Variants in KIRREL3 observed in about 807,000 individuals in gnomAD.
KIRREL3 encodes the protein kin of IRRE-like protein 3.
KIRREL3 carries 36 observed loss-of-function variants against 89.7 expected under a neutral mutation model. The ratio of observed to expected loss-of-function variants is 0.40; its 90% confidence interval spans 0.31 to 0.53. The LOEUF (loss-of-function observed/expected upper bound fraction) is 0.53, where lower values mean the gene tolerates loss of function less well. Among genes scored for constraint, KIRREL3 ranks in the 20% least tolerant of loss-of-function variants. KIRREL3 has a pLI of 0.49. For missense variants in KIRREL3, 864 were observed against 1,056.6 expected (o/e 0.82, Z 2.53); for synonymous variants, 445 against 441.4 (o/e 1.01, Z -0.10).
chr11:126,861,778 G>A lies in KIRREL3; in HGVS notation c.55+138677C>T, dbSNP rs142838966. ...CTGTTATGAATTCTCTGCTGACCTG[G>A]ATCTGAAGTGGAGTGTGGACTGACT... On this transcript the variant is annotated intron_variant, in intron 1 of 16. Coordinates refer to ENST00000525144, the MANE Select transcript of KIRREL3 (RefSeq NM_032531.4). 1.1e-3 allele frequency among the ~76,000 whole-genome samples: 162 copies of A among 152,328 alleles called. 1 individual carries two copies. Among genetic ancestry groups the A allele is most frequent in the Non-Finnish European group, 1.8e-3 (122 of 68,036 alleles).
intron 1 of KIRREL3, among the ~76,000 whole-genome samples, chr11:126,818,032 T>C (rs1171668291): frequency 6.6e-6 from 1 of 152,156 alleles, no homozygotes; most frequent in Admixed American, 6.5e-5. Context: ...TCAATCTTGA[T>C]TAGAGTATTA....
intron 1 of KIRREL3, among the ~76,000 whole-genome samples, chr11:126,630,634 C>A (rs1943980559): frequency 1.3e-5 from 2 of 152,140 alleles, no homozygotes; most frequent in South Asian, 4.1e-4. Context: ...TGGAGCTGGC[C>A]TCTGAGTAGG....
Position 126,425,682 on chromosome 11 carries a change from G to T in KIRREL3, c.1849C>A (p.Leu617Met). ...TTCTCCTCTTCTTTGAGGACCTCCA[G>T]CTGTTTCAGGACTGAGTCTTGCTGG... is the stretch of plus-strand genomic sequence containing the variant. ...EFQQDSVLKQ[L>M]EVLKEEEKEF... is the part of the protein sequence containing the mutation. Residue 617 changes from leucine to methionine, a missense_variant, in exon 16 of 17, where the codon CTG becomes ATG. Transcript: ENST00000525144. 6.3e-7 allele frequency: 1 copy of T among 1,598,604 alleles called. No individual in the cohort carries two copies. The highest frequency in any genetic ancestry group is 1.7e-5 in the Admixed American group (1 of 58,202).
rs932603827 is a variant in KIRREL3, at chr11:126,996,915, G to A, written c.55+3540C>T. Among the ~76,000 whole-genome samples, 3 of 152,216 alleles carry A rather than the reference G, an allele frequency of 2.0e-5. No individual in the cohort carries two copies. The highest frequency in any genetic ancestry group is 7.2e-5 in the African/African-American group (3 of 41,464). ...AGGCAGGACAGGACGCTCTAGGAATGCCAGAGCAAAATGCCAGAGAGTAGG... is the reference window on the plus strand; with the variant it reads ...AGGCAGGACAGGACGCTCTAGGAATACCAGAGCAAAATGCCAGAGAGTAGG... On this transcript the variant is annotated intron_variant, in intron 1 of 16. Transcript: ENST00000525144. This position sits in a 1 kb window ranked among gnomAD's most constrained non-coding sequence, Gnocchi z 4.7.
At chr11:127,001,820 G>A (rs181567970), upstream of KIRREL3, among the ~76,000 whole-genome samples, 25 of 151,600 alleles carry the variant, frequency 1.6e-4, no homozygotes, top group East Asian at 4.9e-3. Context: ...TGCAAGCAGA[G>A]TACACACACA....
At chr11:126,478,244 C>A (rs932885232) in intron 4 of KIRREL3, among the ~76,000 whole-genome samples, 1 of 152,212 alleles carries the variant, frequency 6.6e-6, no homozygotes, top group East Asian at 1.9e-4. Context: ...GCTTCAAGAG[C>A]CCTTCAGTGA....
rs1948100492 is a variant in KIRREL3, at chr11:126,719,755, GACC to G, written c.56-156846_56-156844del. Among the ~76,000 whole-genome samples, 1 of 152,082 alleles carries G rather than the reference GACC, an allele frequency of 6.6e-6. No individual in the cohort carries two copies. The highest frequency in any genetic ancestry group is 1.5e-5 in the Non-Finnish European group (1 of 68,030). ...TCTTTCAATCTTTTATCCAGAAAAT[GACC>G]ACTTCTTACAACCTCTGCTGCCCCC... On this transcript the variant is annotated intron_variant, in intron 1 of 16. Coordinates refer to ENST00000525144, the MANE Select transcript of KIRREL3 (RefSeq NM_032531.4). This position sits in a 1 kb window ranked among gnomAD's most constrained non-coding sequence, Gnocchi z 4.7.
In KIRREL3 at chr11:126,835,170, A is replaced by G. The variant is rs763027143; in HGVS notation, c.55+165285T>C. 1.2e-4 allele frequency among the ~76,000 whole-genome samples: 19 copies of G among 152,354 alleles called. No homozygotes were observed. In the South Asian group the frequency reaches 2.9e-3, roughly 23 times the overall value. On this transcript the variant is annotated intron_variant, in intron 1 of 16. Transcript: ENST00000525144. ...CCCCATGCAGAAAACAATTCAAAAC[A>G]AAGAAGAGCTGCTTTAGGCTCTATA... is the stretch of plus-strand genomic sequence containing the variant.
chr11:126,475,549 G>C lies in KIRREL3; in HGVS notation c.434-2083C>G, dbSNP rs1240005030. Among the ~76,000 whole-genome samples, 2 of 150,722 alleles carry C rather than the reference G, an allele frequency of 1.3e-5. No homozygotes were observed. Among genetic ancestry groups the C allele is most frequent in the Non-Finnish European group, 3.0e-5 (2 of 67,564 alleles). ...TCCGAGAAGCCATCACTGACCCCAG[G>C]GGCAGCGAGCCCCGGACTCCACCGA... is the stretch of plus-strand genomic sequence containing the variant. On this transcript the variant is annotated intron_variant, in intron 4 of 16. Coordinates refer to ENST00000525144, the MANE Select transcript of KIRREL3 (RefSeq NM_032531.4). The surrounding 1 kb of genome is among the most constrained non-coding windows in gnomAD (Gnocchi z 7.5).
rs1269581113 is a variant in KIRREL3 at position 126,696,083 on chromosome 11, A to G, written c.56-133171T>C. ...AGCCTGACCAACATGGTGAAACCCC[A>G]TCTCTACTAAAAATACAAAAAAAAT... On this transcript the variant is annotated intron_variant, in intron 1 of 16. Coordinates refer to ENST00000525144, the MANE Select transcript of KIRREL3 (RefSeq NM_032531.4). This position sits in a 1 kb window ranked among gnomAD's most constrained non-coding sequence, Gnocchi z 4.4. Among the ~76,000 whole-genome samples, 1 of 151,816 alleles carries G rather than the reference A, an allele frequency of 6.6e-6. No individual in the cohort carries two copies. Among genetic ancestry groups the G allele is most frequent in the Admixed American group, 6.6e-5 (1 of 15,254 alleles).
intron 1 of KIRREL3, among the ~76,000 whole-genome samples, chr11:126,833,143 G>A (rs1426186035): frequency 6.6e-6 from 1 of 152,180 alleles, no homozygotes; most frequent in East Asian, 1.9e-4. Context: ...AAACAGAAGT[G>A]ATTTGTTACC....
rs905297854 is a variant in KIRREL3, at chr11:126,594,888, C to T, written c.56-31976G>A. Among the ~76,000 whole-genome samples the T allele has an allele frequency of 2.6e-5, 4 of 152,248 alleles. No individual in the cohort carries two copies. The highest frequency in any genetic ancestry group is 5.9e-5 in the Non-Finnish European group (4 of 68,046). ...GCCACGTGCTTCTCAGCGTTTTGCC[C>T]CAGTTGGCCTTCCGCCCCTGGGAGG... is the stretch of plus-strand genomic sequence containing the variant. On this transcript the variant is annotated intron_variant, in intron 1 of 16. Transcript: ENST00000525144. The surrounding 1 kb of genome is among the most constrained non-coding windows in gnomAD (Gnocchi z 5.0).
Position 126,736,382 on chromosome 11 carries a change from G to A in KIRREL3, c.56-173470C>T, listed in dbSNP as rs1948800043. On this transcript the variant is annotated intron_variant, in intron 1 of 16. Coordinates refer to ENST00000525144, the MANE Select transcript of KIRREL3 (RefSeq NM_032531.4). The surrounding 1 kb of genome is among the most constrained non-coding windows in gnomAD (Gnocchi z 5.0). ...AGTCATACACAGCTAAAACGTAGAT[G>A]CCAGAGCCAGGATTTGATGAGAGGT... 2.6e-5 allele frequency among the ~76,000 whole-genome samples: 4 copies of A among 152,184 alleles called. No individual in the cohort carries two copies. Among genetic ancestry groups the A allele is most frequent in the Admixed American group, 6.5e-5 (1 of 15,278 alleles).
chr11:126,833,023 A>G (rs1304335401), intron 1 of KIRREL3, among the ~76,000 whole-genome samples: 3 of 152,146 alleles, frequency 2.0e-5, no homozygotes, highest in Non-Finnish European at 4.4e-5. Context: ...AATCAACGGA[A>G]TGTGTCCGTG....
At chr11:126,450,894 T>C (rs552906737) in intron 7 of KIRREL3, among the ~76,000 whole-genome samples, 111 of 147,268 alleles carry the variant, frequency 7.5e-4, no homozygotes, top group African/African-American at 2.8e-3. Context: ...TGCATGTGCG[T>C]GTGTGCATGT....
At chr11:126,798,570 A>G (rs1186048662) in intron 1 of KIRREL3, among the ~76,000 whole-genome samples, 1 of 152,232 alleles carries the variant, frequency 6.6e-6, no homozygotes, top group Non-Finnish European at 1.5e-5. Context: ...ATTTGTAAGT[A>G]CATTTAGCCT....
In KIRREL3 at chr11:126,642,034, C is replaced by G. The variant is rs886820507; in HGVS notation, c.56-79122G>C. ...AAATGCTCAGAAATGTACCGATGTC[C>G]TTAGATGCTGCAGATGGAGCCCAGA... On this transcript the variant is annotated intron_variant, in intron 1 of 16. Transcript: ENST00000525144. This position sits in a 1 kb window ranked among gnomAD's most constrained non-coding sequence, Gnocchi z 4.9. Among the ~76,000 whole-genome samples the G allele has an allele frequency of 3.9e-5, 6 of 152,158 alleles. No homozygotes were observed. Among genetic ancestry groups the G allele is most frequent in the African/African-American group, 1.2e-4 (5 of 41,424 alleles).
At position 126,892,395 on chromosome 11, in the gene KIRREL3, G is replaced by A. The variant is rs897931638; in HGVS notation, c.55+108060C>T. Among the ~76,000 whole-genome samples the A allele has an allele frequency of 2.0e-5, 3 of 152,056 alleles. No individual in the cohort carries two copies. Among genetic ancestry groups the A allele is most frequent in the African/African-American group, 4.8e-5 (2 of 41,390 alleles). ...TTGTGGTTTGTAAGTTTTATGACTC[G>A]ATTTTAATCTGTACCATTTAGGATA... On this transcript the variant is annotated intron_variant, in intron 1 of 16. Transcript: ENST00000525144. The surrounding 1 kb of genome is among the most constrained non-coding windows in gnomAD (Gnocchi z 5.4).
chr11:126,468,020 G>C (rs898177274), intron 5 of KIRREL3, among the ~76,000 whole-genome samples: 1 of 152,186 alleles, frequency 6.6e-6, no homozygotes, highest in African/African-American at 2.4e-5. Context: ...CGAGGCCAGT[G>C]GTCCTGGTGG....
Sources: allele counts gnomAD v4.1 joint callset (sites outside exome capture counted in the v4.1 genomes callset), GRCh38; gene constraint gnomAD v4.1.1; non-coding constraint Gnocchi (gnomAD v3.1); transcripts MANE v1.5; gene names NCBI Gene and HGNC (gene_info 2026-07-23, HGNC 2026-07-21).